The following STX8 variants were observed in gnomAD, a reference collection of about 807,000 sequenced individuals.
STX8 encodes the protein syntaxin-8.
Under a neutral mutation model 37.5 loss-of-function variants are expected in STX8, and 23 were observed. That is an observed-to-expected ratio of 0.61 (90% CI 0.44 to 0.87). The LOEUF (loss-of-function observed/expected upper bound fraction) is 0.87, where lower values mean the gene tolerates loss of function less well. Ranked by LOEUF, STX8 falls within the 40% of genes least tolerant of loss-of-function variation. The pLI, the probability that STX8 is intolerant of heterozygous loss-of-function variation, is 0.00. For synonymous variants in STX8, 115 were observed against 99.1 expected (o/e 1.16, Z -0.95); for missense variants, 313 against 284.7 (o/e 1.10, Z -0.71).
intron 7 of STX8, among the ~76,000 whole-genome samples, chr17:9,319,977 AAAAT>A (rs1909521565): frequency 1.3e-5 from 2 of 151,878 alleles, no homozygotes; most frequent in Admixed American, 1.3e-4. Context: ...TAAATAAAAT[AAAAT>A]AAAAGCAAAC....
At position 9,370,713 on chromosome 17, in the gene STX8, C is replaced by A. The variant is rs565609007; in HGVS notation, c.643+7839G>T. 7.2e-5 allele frequency among the ~76,000 whole-genome samples: 11 copies of A among 152,280 alleles called. No individual in the cohort carries two copies. In the South Asian group the frequency reaches 2.3e-3, roughly 32 times the overall value. On this transcript the variant is annotated intron_variant, in intron 7 of 7. Coordinates refer to ENST00000306357, the MANE Select transcript of STX8 (RefSeq NM_004853.3). ...ACATCCACCCGAGTCATTCAGAATTCTTAGTCTGGTCTTTCACAATTGGCG... is the reference window on the plus strand; with the variant it reads ...ACATCCACCCGAGTCATTCAGAATTATTAGTCTGGTCTTTCACAATTGGCG...
chr17:9,358,988 G>A (rs1024143298), intron 7 of STX8, among the ~76,000 whole-genome samples: 2 of 152,138 alleles, frequency 1.3e-5, no homozygotes, highest in Admixed American at 1.3e-4. Context: ...CAGTGCTACA[G>A]GGAAACCTGG....
At chr17:9,498,535 G>A (rs1904491810) in intron 5 of STX8, among the ~76,000 whole-genome samples, 1 of 152,190 alleles carries the variant, frequency 6.6e-6, no homozygotes. Flanking sequence ...TAGTCTAGGT[G>A]ACAGCTACAA....
chr17:9,378,906 A>G (rs865975210), intron 6 of STX8, among the ~76,000 whole-genome samples: 48 of 152,306 alleles, frequency 3.2e-4, no homozygotes, highest in African/African-American at 1.1e-3. Flanking sequence ...GAAAGAAAGC[A>G]TGACCTGCCG....
At chr17:9,405,576 A>G (rs1376403127) in intron 6 of STX8, among the ~76,000 whole-genome samples, 1 of 152,156 alleles carries the variant, frequency 6.6e-6, no homozygotes, top group African/African-American at 2.4e-5. Context: ...CATAAGCCCA[A>G]ATGCATTTGC....
chr17:9,419,513 A>C (rs539797790), intron 6 of STX8, among the ~76,000 whole-genome samples: 2 of 152,336 alleles, frequency 1.3e-5, no homozygotes, highest in East Asian at 3.9e-4. Context: ...GATCATTCAC[A>C]AGAGAAGGGT....
chr17:9,376,221 G>T (rs1356195222), intron 7 of STX8, among the ~76,000 whole-genome samples: 7 of 152,066 alleles, frequency 4.6e-5, no homozygotes, highest in Non-Finnish European at 1.0e-4. Context: ...TCTCGCTAAA[G>T]GTTTGAAAAC....
rs531755781 is a variant in STX8, at chr17:9,461,950, G to A, written c.541+29879C>T. Among the ~76,000 whole-genome samples the A allele has an allele frequency of 8.5e-5, 13 of 152,142 alleles. No homozygotes were observed. The East Asian group carries it at 2.3e-3, about 27-fold the overall frequency. ...ATGTGCAGTTCACAATAGGGTTCAC[G>A]CTCCTATGAGAATCTAACGCTGCCG... On this transcript the variant is annotated intron_variant, in intron 6 of 7. Coordinates refer to ENST00000306357, the MANE Select transcript of STX8 (RefSeq NM_004853.3).
At chr17:9,336,722 C>T (rs1028619037) in intron 7 of STX8, among the ~76,000 whole-genome samples, 1 of 152,134 alleles carries the variant, frequency 6.6e-6, no homozygotes, top group African/African-American at 2.4e-5. Context: ...GTGTAAGCCA[C>T]CGTGCCCAGC....
rs1056390833 is a variant in STX8 at position 9,534,765 on chromosome 17, C to T, written c.323+10407G>A. The stretch of plus-strand genomic sequence containing the variant: ...ATTGCGCCACTGCACTCCAGCCTGG[C>T]GACACAGTGAGATTCTGTCTCAAAA... On this transcript the variant is annotated intron_variant, in intron 4 of 7. Transcript: ENST00000306357. Among the ~76,000 whole-genome samples, 9 of 151,358 alleles carry T rather than the reference C, an allele frequency of 5.9e-5. No homozygotes were observed. The East Asian group carries it at 1.2e-3, about 20-fold the overall frequency.
intron 5 of STX8, among the ~76,000 whole-genome samples, chr17:9,493,790 T>C (rs910171929): frequency 3.3e-5 from 5 of 152,196 alleles, no homozygotes; most frequent in Admixed American, 2.6e-4. Context: ...TAATTTACAT[T>C]CAACTTTCCC....
At chr17:9,427,799 G>A (rs1319559548) in intron 6 of STX8, among the ~76,000 whole-genome samples, 1 of 152,154 alleles carries the variant, frequency 6.6e-6, no homozygotes, top group Non-Finnish European at 1.5e-5. Context: ...TGGAGAGAAA[G>A]CGCTGGGTGC....
intron 7 of STX8, among the ~76,000 whole-genome samples, chr17:9,375,084 AAAG>A (rs1298337068): frequency 2.6e-4 from 39 of 149,424 alleles, no homozygotes; most frequent in South Asian, 6.3e-4. Flanking sequence ...AAAAAAAAAA[AAAG>A]AAGAATTTTC....
At chr17:9,440,107 A>C (rs922083556) in intron 6 of STX8, among the ~76,000 whole-genome samples, 1 of 152,170 alleles carries the variant, frequency 6.6e-6, no homozygotes, top group Non-Finnish European at 1.5e-5. Flanking sequence ...CACTGGGAAA[A>C]GGGCAAAAGG....
At chr17:9,485,823 T>A (rs1407355001) in intron 6 of STX8, among the ~76,000 whole-genome samples, 1 of 152,142 alleles carries the variant, frequency 6.6e-6, no homozygotes, top group Non-Finnish European at 1.5e-5. Flanking sequence ...TGACCTCAAA[T>A]GATCCACCTA....
Position 9,507,869 on chromosome 17 carries a change from A to C in STX8, c.324-2707T>G, listed in dbSNP as rs1904896380. ...AAACTACACTACTATGCCCACCTGGAACCAAAGCCAATGCATCCCACTGAA... is the reference window on the plus strand; with the variant it reads ...AAACTACACTACTATGCCCACCTGGCACCAAAGCCAATGCATCCCACTGAA... On this transcript the variant is annotated intron_variant, in intron 4 of 7. Transcript: ENST00000306357. The surrounding 1 kb of genome is among the most constrained non-coding windows in gnomAD (Gnocchi z 4.0). Among the ~76,000 whole-genome samples, 1 of 152,160 alleles carries C rather than the reference A, an allele frequency of 6.6e-6. No individual in the cohort carries two copies. The highest frequency in any genetic ancestry group is 2.1e-4 in the South Asian group (1 of 4,826).
At position 9,545,222 on chromosome 17, in the gene STX8, T is replaced by C; in HGVS notation, c.273A>G (p.Arg91=). ...NLLDDLVTRE[R]LLLASFKNEG... ...CATTCTTAAAGGATGCCAGAAGTAGTCTCTCTCGAGTTACAAGATCATCCA... is the reference window on the plus strand; with the variant it reads ...CATTCTTAAAGGATGCCAGAAGTAGCCTCTCTCGAGTTACAAGATCATCCA... The change falls in exon 4 of 8, where the codon AGA becomes AGG. Residue 91 remains arginine (R), a synonymous_variant. Transcript: ENST00000306357. 1 of 1,614,068 alleles carries C rather than the reference T, an allele frequency of 6.2e-7. No homozygotes were observed. Among genetic ancestry groups the C allele is most frequent in the East Asian group, 2.2e-5 (1 of 44,874 alleles).
At chr17:9,303,552 T>G (rs1422009629) in intron 7 of STX8, among the ~76,000 whole-genome samples, 1 of 152,218 alleles carries the variant, frequency 6.6e-6, no homozygotes, top group Non-Finnish European at 1.5e-5. Context: ...CATCTATATT[T>G]TCTTCAGTAA....
chr17:9,435,511 T>G (rs976682726), intron 6 of STX8, among the ~76,000 whole-genome samples: 1 of 152,220 alleles, frequency 6.6e-6, no homozygotes, highest in East Asian at 1.9e-4. Context: ...TTATCTGGAT[T>G]GTGAAAACAT....
Sources: allele counts gnomAD v4.1 joint callset (sites outside exome capture counted in the v4.1 genomes callset), GRCh38; gene constraint gnomAD v4.1.1; non-coding constraint Gnocchi (gnomAD v3.1); transcripts MANE v1.5; gene names NCBI Gene and HGNC (gene_info 2026-07-23, HGNC 2026-07-21).